Variants in STARD9 observed in about 807,000 individuals in gnomAD.
The protein encoded by STARD9 is stAR-related lipid transfer protein 9.
STARD9 carries 346 observed loss-of-function variants against 399.8 expected under a neutral mutation model. The ratio of observed to expected loss-of-function variants is 0.87; its 90% CI spans 0.79 to 0.95. The LOEUF is 0.95. STARD9 is among the 40% of genes least tolerant of loss of function. The pLI is 0.00. For synonymous variants in STARD9, 2,203 were observed against 2,143.5 expected, an observed-to-expected ratio of 1.03 and a Z score of -0.77; for missense variants, 5,832 against 5,667.5, an observed-to-expected ratio of 1.03 and a Z score of -0.93.
chr15:42,622,977 C>G (rs963090177), intron 3 of STARD9, among the ~76,000 whole-genome samples: 1 of 152,050 alleles, frequency 6.6e-6, no homozygotes, highest in African/African-American at 2.4e-5. Flanking sequence ...CAGGGCCAGG[C>G]GTGGTAGCTC....
At chr15:42,651,156 G>T in intron 8 of STARD9, 71 bp downstream of exon 8, 2 of 1,162,256 alleles carry the variant, frequency 1.7e-6, no homozygotes, top group Non-Finnish European at 2.4e-6. Flanking sequence ...TTTCCCTTTG[G>T]GGAGTGTATA....
In STARD9 at chr15:42,688,958, A is replaced by G; in HGVS notation, c.7380A>G (p.Glu2460=). 6.5e-7 allele frequency: 1 copy of G among 1,537,466 alleles called. No homozygotes were observed. The highest frequency in any genetic ancestry group is 1.7e-4 in the Middle Eastern group (1 of 5,990). Residue 2460 remains glutamate (E), a synonymous_variant, in exon 23 of 33, where the codon GAA becomes GAG. Coordinates refer to ENST00000290607, the MANE Select transcript of STARD9 (RefSeq NM_020759.3). ...CCTTGCTGGGTTTCAGTACCAGTGA[A>G]GATTTTGCTTCTGAAGCCGAGGTGG... is the stretch of plus-strand genomic sequence containing the variant. ...RITLLGFSTS[E]DFASEAEVAV... is the part of the protein sequence containing the mutation.
At chr15:42,655,624 C>G (rs999338294) in intron 9 of STARD9, among the ~76,000 whole-genome samples, 6 of 152,104 alleles carry the variant, frequency 3.9e-5, no homozygotes, top group African/African-American at 1.4e-4. Flanking sequence ...GACCTGAAAC[C>G]ATAAAAATTC....
In STARD9 at chr15:42,718,901, C is replaced by T. The variant is rs1382965990; in HGVS notation, c.13992C>T (p.Tyr4664=). The part of the protein sequence containing the change: ...VEGKEVTRVI[Y]LAQVELGAPG... ...GGAAGGAAGTCACCAGAGTCATCTA[C>T]TTGGCCCAGGTGATAAATCCTTTGC... Residue 4664 remains tyrosine (Y), a synonymous_variant, in exon 32 of 33, where the codon TAC becomes TAT. Coordinates refer to ENST00000290607, the MANE Select transcript of STARD9 (RefSeq NM_020759.3). 1.3e-6 allele frequency: 2 copies of T among 1,537,200 alleles called. No individual in the cohort carries two copies. The highest frequency in any genetic ancestry group is 1.7e-6 in the Non-Finnish European group (2 of 1,146,862).
intron 15 of STARD9, among the ~76,000 whole-genome samples, chr15:42,666,077 A>C (rs1163576182): frequency 6.6e-6 from 1 of 152,146 alleles, no homozygotes; most frequent in Admixed American, 6.5e-5. Flanking sequence ...AGTCCTTTGG[A>C]TAGTGAGAGT....
chr15:42,690,055 G>A lies in STARD9; in HGVS notation c.8477G>A (p.Ser2826Asn). The A allele has an allele frequency of 6.5e-7, 1 of 1,537,520 alleles. No individual in the cohort carries two copies. The highest frequency in any genetic ancestry group is 1.7e-4 in the Middle Eastern group (1 of 5,994). ...ACCTGTGATGTTCAGAATTCTACAA[G>A]TGCCTCAGGGCCTAAGCAAGACCAT... ...SVTCDVQNST[S>N]ASGPKQDHVQ... is the part of the protein sequence containing the mutation. The change falls in exon 23 of 33, where the codon AGT becomes AAT. Residue 2826 changes from serine (S) to asparagine (N), a missense_variant. Ser to Asn is a conservative substitution (Grantham distance 46). Transcript: ENST00000290607.
At chr15:42,673,883 C>T (rs1280157964) in intron 16 of STARD9, 1 of 455,600 alleles carries the variant, frequency 2.2e-6, no homozygotes, top group African/African-American at 2.0e-5. Flanking sequence ...CTTTTTTATT[C>T]TAGAGGTGCT....
chr15:42,676,916 G>C (rs16957031), intron 20 of STARD9, among the ~76,000 whole-genome samples: 7,063 of 151,834 alleles, frequency 0.047, 472 homozygotes, highest in African/African-American at 0.16. Flanking sequence ...ACAATCTTAT[G>C]TCTGACCTTG....
At position 42,691,705 on chromosome 15, in the gene STARD9, C is replaced by T. The variant is rs2060708268; in HGVS notation, c.10127C>T (p.Ser3376Phe). The T allele has an allele frequency of 6.5e-7, 1 of 1,537,262 alleles. No individual in the cohort carries two copies. The highest frequency in any genetic ancestry group is 1.2e-5 in the South Asian group (1 of 84,052). ...TCAGGAAAGTCAGTGGCAAGAACATCTCTGCAGGCTGAGGACAGCAATCAG... is the reference window on the plus strand; with the variant it reads ...TCAGGAAAGTCAGTGGCAAGAACATTTCTGCAGGCTGAGGACAGCAATCAG... ...YSSGKSVART[S>F]LQAEDSNQKA... is the part of the protein sequence containing the mutation. Residue 3376 changes from serine to phenylalanine, a missense_variant, in exon 23 of 33, where the codon TCT becomes TTT. By Grantham distance (155) the Ser-to-Phe change is radical. Coordinates refer to ENST00000290607, the MANE Select transcript of STARD9 (RefSeq NM_020759.3).
At chr15:42,588,119 T>C (rs958844087) in intron 3 of STARD9, among the ~76,000 whole-genome samples, 1 of 152,210 alleles carries the variant, frequency 6.6e-6, no homozygotes, top group African/African-American at 2.4e-5. Flanking sequence ...TACGTGTGGC[T>C]GTTCTGTACA....
At position 42,692,627 on chromosome 15, in the gene STARD9, C is replaced by T. The variant is rs61750914; in HGVS notation, c.11049C>T (p.His3683=). 1.9e-3 allele frequency: 2,973 copies of T among 1,537,234 alleles called. 44 individuals are homozygous for T. The African/African-American group carries it at 0.035, about 18-fold the overall frequency. The change falls in exon 23 of 33, where the codon CAC becomes CAT. Residue 3683 remains histidine, a synonymous_variant. Coordinates refer to ENST00000290607, the MANE Select transcript of STARD9 (RefSeq NM_020759.3). ...SWTSMHNLSL[H]LSQLLHSTSE... is the part of the protein sequence containing the mutation. ...CCAGCATGCACAATCTGTCTCTCCA[C>T]CTCTCACAGCTCCTGCACAGTACCT...
intron 3 of STARD9, among the ~76,000 whole-genome samples, chr15:42,617,841 C>A (rs567833296): frequency 3.9e-5 from 6 of 152,238 alleles, no homozygotes; most frequent in African/African-American, 1.4e-4. Context: ...GCAGCCTCAA[C>A]GTCCCAGGCT....
At chr15:42,598,016 G>A (rs961708877) in intron 3 of STARD9, among the ~76,000 whole-genome samples, 2 of 148,632 alleles carry the variant, frequency 1.3e-5, no homozygotes, top group African/African-American at 5.0e-5. Context: ...GTGTGTGTGT[G>A]TGTGTGTGTG....
rs2060771005 is a variant in STARD9 at position 42,693,681 on chromosome 15, A to G, written c.12103A>G (p.Lys4035Glu). The G allele has an allele frequency of 6.5e-7, 1 of 1,537,078 alleles. No homozygotes were observed. Among genetic ancestry groups the G allele is most frequent in the South Asian group, 1.2e-5 (1 of 84,062 alleles). The change falls in exon 23 of 33, where the codon AAG (lysine) becomes GAG (glutamate). Residue 4035 changes from lysine to glutamate, a missense_variant. Lys to Glu is a moderately conservative substitution (Grantham distance 56, BLOSUM62 1). This residue lies in a region of STARD9 where 5,828 missense variants were observed against 5,651.1 expected (regional missense o/e 1.03). Transcript: ENST00000290607. Reference sequence around the variant, plus strand: ...GCTGGGCAACAGCTTTGTGCCTGAGAAGGTGGCTTCCCCGGAGCATTGCCC... The same window carrying G: ...GCTGGGCAACAGCTTTGTGCCTGAGGAGGTGGCTTCCCCGGAGCATTGCCC... Reference protein sequence around the residue: ...QRLGNSFVPEKVASPEHCPLS... With the variant: ...QRLGNSFVPEEVASPEHCPLS...
intron 3 of STARD9, among the ~76,000 whole-genome samples, chr15:42,632,883 C>T (rs1335368176): frequency 2.6e-5 from 4 of 152,066 alleles, no homozygotes; most frequent in Non-Finnish European, 2.9e-5. Context: ...TGGCGCACAC[C>T]TGTAATCCCA....
At chr15:42,596,495 C>T (rs948322274) in intron 3 of STARD9, among the ~76,000 whole-genome samples, 4 of 152,246 alleles carry the variant, frequency 2.6e-5, no homozygotes, top group Middle Eastern at 3.4e-3. Flanking sequence ...TGAACAGCAG[C>T]CCTTTGAGCA....
In STARD9 at chr15:42,691,007, C is replaced by A; in HGVS notation, c.9429C>A (p.Thr3143=). The change falls in exon 23 of 33, where the codon ACC becomes ACA. Residue 3143 remains threonine, a synonymous_variant. Transcript: ENST00000290607. ...CTGCAACAACTCAGGGACCACACAC[C>A]CTGGATTTAAGTGAAGGGTCTGCTG... ...EPPATTQGPH[T]LDLSEGSAES... The A allele has an allele frequency of 1.3e-6, 2 of 1,537,150 alleles. No homozygotes were observed. The highest frequency in any genetic ancestry group is 1.4e-5 in the African/African-American group (1 of 73,122).
chr15:42,686,883 G>A lies in STARD9; in HGVS notation c.5305G>A (p.Val1769Ile). 1 of 1,536,990 alleles carries A rather than the reference G, an allele frequency of 6.5e-7. No individual in the cohort carries two copies. The highest frequency in any genetic ancestry group is 8.7e-7 in the Non-Finnish European group (1 of 1,146,900). The change falls in exon 23 of 33, where the codon GTA becomes ATA. Residue 1769 changes from valine to isoleucine, a missense_variant. Val to Ile is a conservative substitution (Grantham distance 29). Coordinates refer to ENST00000290607, the MANE Select transcript of STARD9 (RefSeq NM_020759.3). ...CTTAGAGATTCCAGCTTGCAGAGAAGTAAGGGTACCCTCCCCACCCCCCAG... is the reference window on the plus strand; with the variant it reads ...CTTAGAGATTCCAGCTTGCAGAGAAATAAGGGTACCCTCCCCACCCCCCAG... ...TALEIPACRE[V>I]RVPSPPPREA...
intron 3 of STARD9, among the ~76,000 whole-genome samples, chr15:42,596,170 A>G (rs1378526275): frequency 1.3e-5 from 2 of 152,204 alleles, no homozygotes; most frequent in Non-Finnish European, 2.9e-5. Flanking sequence ...TCCAGGCTGG[A>G]GAGAGAGGTT....
Sources: allele counts gnomAD v4.1 joint callset (sites outside exome capture counted in the v4.1 genomes callset), GRCh38; gene constraint gnomAD v4.1.1; regional missense constraint gnomAD v4.1.1; transcripts MANE v1.5; gene names NCBI Gene and HGNC (gene_info 2026-07-23, HGNC 2026-07-21).